Variants in TENM1 observed in about 807,000 individuals in gnomAD.
TENM1 encodes the protein teneurin-1.
Under a neutral mutation model 174.8 loss-of-function variants are expected in TENM1, and 35 were observed. That is an observed-to-expected ratio of 0.20 (90% CI 0.15 to 0.27). TENM1 has a LOEUF of 0.27. Ranked by LOEUF, TENM1 falls within the 10% of genes least tolerant of loss-of-function variation. The pLI is 1.00. For missense variants in TENM1, 1,633 were observed against 2,130.1 expected (o/e 0.77, Z 4.59); for synonymous variants, 781 against 798.7 (o/e 0.98, Z 0.37).
chrX:124,477,783 G>A (rs1423872636), intron 22 of TENM1, among the ~76,000 whole-genome samples: 2 of 110,900 alleles, frequency 1.8e-5, no homozygotes, highest in East Asian at 5.6e-4. Flanking sequence ...ATGGCATCAT[G>A]GGTTTTTCGG....
intron 19 of TENM1, among the ~76,000 whole-genome samples, chrX:124,500,232 A>T (rs184698152): frequency 8.9e-6 from 1 of 112,138 alleles, no homozygotes; most frequent in East Asian, 2.8e-4. Flanking sequence ...TACTGAAATG[A>T]CCATTTCTGT....
the TENM1 span, among the ~76,000 whole-genome samples, chrX:125,070,033 T>A: frequency 9.1e-6 from 1 of 109,786 alleles, no homozygotes; most frequent in Non-Finnish European, 1.9e-5. Flanking sequence ...TACAAAAAAA[T>A]TTTAAAAATT....
chrX:124,753,537 T>C (rs1403468538), intron 3 of TENM1, among the ~76,000 whole-genome samples: 1 of 102,181 alleles, frequency 9.8e-6, no homozygotes, highest in African/African-American at 3.6e-5. Flanking sequence ...TGAATAGGAG[T>C]GGTGAGAGAG....
Position 124,530,473 on chromosome X carries a change from A to C in TENM1, c.2652-490T>G, listed in dbSNP as rs745911769. 1.7e-3 allele frequency among the ~76,000 whole-genome samples: 194 copies of C among 111,406 alleles called. 1 individual carries two copies. The highest frequency in any genetic ancestry group is 5.9e-3 in the African/African-American group (181 of 30,688). On this transcript the variant is annotated intron_variant, in intron 15 of 31. Transcript: ENST00000422452. ...ATACATAAATATATTGTAAGATAAG[A>C]CTAAAGTCCCTACTGACCGCCTTTT...
intron 11 of TENM1, among the ~76,000 whole-genome samples, chrX:124,575,094 C>T (rs1318683862): frequency 3.6e-5 from 4 of 111,807 alleles, no homozygotes; most frequent in African/African-American, 1.3e-4. Flanking sequence ...GTGTCTATTT[C>T]TCTAAAAGTA....
chrX:125,144,740 AAT>A, the TENM1 span, among the ~76,000 whole-genome samples: 1 of 88,027 alleles, frequency 1.1e-5, no homozygotes, highest in African/African-American at 5.0e-5. Flanking sequence ...AGGTGCTCAT[AAT>A]TTTTTTTTTT....
chrX:124,825,664 A>G (rs1429317929), intron 3 of TENM1, among the ~76,000 whole-genome samples: 1 of 111,176 alleles, frequency 9.0e-6, no homozygotes, highest in Non-Finnish European at 1.9e-5. Context: ...CCAATTAACC[A>G]CTCTTTGCAT....
At chrX:124,967,316 A>G (rs1332800160), upstream of TENM1, among the ~76,000 whole-genome samples, 1 of 111,557 alleles carries the variant, frequency 9.0e-6, no homozygotes, top group East Asian at 2.8e-4. Flanking sequence ...GCAGGCTTCC[A>G]GAGATGTAGT....
At chrX:125,142,593 G>T in the TENM1 span, among the ~76,000 whole-genome samples, 1 of 110,031 alleles carries the variant, frequency 9.1e-6, no homozygotes, top group African/African-American at 3.3e-5. Context: ...AAAAAAAGCT[G>T]AAAAACCCCA....
intron 4 of TENM1, among the ~76,000 whole-genome samples, chrX:124,735,275 A>C (rs1463630997): frequency 8.9e-6 from 1 of 112,423 alleles, no homozygotes; most frequent in Non-Finnish European, 1.9e-5. Context: ...AATTCCTGTT[A>C]AAAAGTGGGC....
chrX:124,463,748 C>T (rs189594529), intron 22 of TENM1, among the ~76,000 whole-genome samples: 4 of 109,962 alleles, frequency 3.6e-5, no homozygotes, highest in African/African-American at 1.0e-4. Context: ...GACCCTTGGC[C>T]AAGGTGGTGG....
chrX:124,900,327 C>A (rs2057637489), intron 1 of TENM1, among the ~76,000 whole-genome samples: 1 of 111,590 alleles, frequency 9.0e-6, no homozygotes, highest in Admixed American at 9.5e-5. Flanking sequence ...ATATAAAATT[C>A]TAGAAAATTC....
chrX:124,617,105 C>T (rs754587771), intron 11 of TENM1, among the ~76,000 whole-genome samples: 4 of 111,641 alleles, frequency 3.6e-5, no homozygotes, highest in African/African-American at 1.3e-4. Flanking sequence ...TTCTTGTTGG[C>T]GGTATCAGTT....
the TENM1 span, among the ~76,000 whole-genome samples, chrX:125,168,492 A>G: frequency 3.6e-5 from 4 of 111,571 alleles, no homozygotes; most frequent in Non-Finnish European, 7.5e-5. Context: ...GAGTGTGGGC[A>G]GAACTTATAA....
At chrX:124,881,606 G>A (rs1258544346) in intron 3 of TENM1, among the ~76,000 whole-genome samples, 3 of 110,406 alleles carry the variant, frequency 2.7e-5, no homozygotes, top group Non-Finnish European at 3.8e-5. Flanking sequence ...TGGGGTGCCT[G>A]ATTAGGTTGT....
chrX:124,785,491 C>T (rs913812327), intron 3 of TENM1, among the ~76,000 whole-genome samples: 2 of 111,931 alleles, frequency 1.8e-5, no homozygotes, highest in Non-Finnish European at 3.8e-5. Flanking sequence ...TGTAAAGGAA[C>T]CTTCTGGTTA....
At chrX:125,003,062 C>T in the TENM1 span, among the ~76,000 whole-genome samples, 1 of 111,531 alleles carries the variant, frequency 9.0e-6, no homozygotes, top group Non-Finnish European at 1.9e-5. Context: ...TAAAACATGC[C>T]CTCAATTTTC....
intron 15 of TENM1, among the ~76,000 whole-genome samples, chrX:124,543,920 T>C (rs2048375930): frequency 8.9e-6 from 1 of 112,563 alleles, no homozygotes; most frequent in African/African-American, 3.2e-5. Context: ...TGCACAAGGA[T>C]AAACAATTTT....
intron 11 of TENM1, among the ~76,000 whole-genome samples, chrX:124,629,486 C>G (rs1263706151): frequency 8.9e-6 from 1 of 112,444 alleles, no homozygotes; most frequent in African/African-American, 3.2e-5. Context: ...TGTGTCTTTA[C>G]ATTGAGAATT....
Sources: gnomAD v4.1 joint callset for allele counts (sites outside exome capture counted in the v4.1 genomes callset) on GRCh38, gnomAD v4.1.1 for gene constraint, MANE v1.5 for transcripts, NCBI Gene and HGNC (gene_info 2026-07-23, HGNC 2026-07-21) for gene names.